Variants in NAALADL2 observed in about 807,000 individuals in gnomAD.
The protein encoded by NAALADL2 is inactive N-acetylated-alpha-linked acidic dipeptidase-like protein 2.
NAALADL2 carries 76 observed loss-of-function variants against 87.2 expected under a neutral mutation model. The observed-to-expected ratio is 0.87, with a 90% CI of 0.72 to 1.05. The LOEUF is 1.05. Among genes scored for constraint, NAALADL2 ranks in the 50% least tolerant of loss-of-function variants. The pLI is 0.00. For missense variants in NAALADL2, 1,089 were observed against 945.8 expected, an observed-to-expected ratio of 1.15 and a Z score of -1.99; for synonymous variants, 354 against 331.0, an observed-to-expected ratio of 1.07 and a Z score of -0.75.
At chr3:175,487,835 G>C (rs1239176771) in intron 9 of NAALADL2, among the ~76,000 whole-genome samples, 1 of 152,158 alleles carries the variant, frequency 6.6e-6, no homozygotes, top group African/African-American at 2.4e-5. Context: ...GTAACTTCTT[G>C]ACAAGGCATA....
chr3:174,882,613 G>GCATATACA (rs1729417771), intron 1 of NAALADL2, among the ~76,000 whole-genome samples: 1 of 135,560 alleles, frequency 7.4e-6, no homozygotes, highest in East Asian at 2.1e-4. Flanking sequence ...ACATATATGT[G>GCATATACA]CATATGCATA....
intron 3 of NAALADL2, among the ~76,000 whole-genome samples, chr3:174,835,330 C>G (rs1723199102): frequency 6.6e-6 from 1 of 151,960 alleles, no homozygotes; most frequent in African/African-American, 2.4e-5. Flanking sequence ...GGACCCTTAC[C>G]TTATACCATA....
chr3:175,038,084 A>C (rs1304178756), intron 1 of NAALADL2, among the ~76,000 whole-genome samples: 1 of 152,158 alleles, frequency 6.6e-6, no homozygotes, highest in Non-Finnish European at 1.5e-5. Context: ...ACAGTCCAAA[A>C]ACCTTGAGCC....
intron 10 of NAALADL2, among the ~76,000 whole-genome samples, chr3:175,584,005 A>G (rs2149582677): frequency 6.6e-6 from 1 of 151,472 alleles, no homozygotes; most frequent in Non-Finnish European, 1.5e-5. Context: ...TAAAGTTGTA[A>G]CTAGCACCAG....
intron 2 of NAALADL2, among the ~76,000 whole-genome samples, chr3:174,600,914 G>A (rs1453406903): frequency 1.3e-5 from 2 of 152,120 alleles, no homozygotes; most frequent in African/African-American, 4.8e-5. Context: ...AATTCGACAT[G>A]AGATTTGAGC....
intron 3 of NAALADL2, among the ~76,000 whole-genome samples, chr3:174,834,219 T>C (rs960287386): frequency 1.3e-5 from 2 of 148,784 alleles, no homozygotes; most frequent in African/African-American, 5.0e-5. Flanking sequence ...TATAATTATC[T>C]AAACAGAAGA....
intron 13 of NAALADL2, among the ~76,000 whole-genome samples, chr3:175,756,302 C>T (rs977637621): frequency 2.9e-4 from 44 of 152,052 alleles, no homozygotes; most frequent in African/African-American, 8.5e-4. Flanking sequence ...TACCTTTCAA[C>T]CCAAAAGGCT....
At chr3:175,594,380 T>G (rs770240157) in intron 10 of NAALADL2, among the ~76,000 whole-genome samples, 11 of 152,182 alleles carry the variant, frequency 7.2e-5, no homozygotes, top group African/African-American at 1.2e-4. Context: ...TACCACATTT[T>G]CTATTCAGTC....
chr3:175,649,249 A>AG (rs918600515), intron 11 of NAALADL2, among the ~76,000 whole-genome samples: 3 of 152,112 alleles, frequency 2.0e-5, no homozygotes, highest in African/African-American at 7.2e-5. Context: ...GTTTTGTGAG[A>AG]GAAAAAAAGA....
At chr3:174,897,470 A>G (rs1731694051) in intron 1 of NAALADL2, among the ~76,000 whole-genome samples, 1 of 152,148 alleles carries the variant, frequency 6.6e-6, no homozygotes, top group South Asian at 2.1e-4. Flanking sequence ...CTAGAGATAT[A>G]ATTTCACCTC....
At chr3:175,658,410 T>C (rs1330113123) in intron 11 of NAALADL2, among the ~76,000 whole-genome samples, 1 of 152,196 alleles carries the variant, frequency 6.6e-6, no homozygotes, top group Non-Finnish European at 1.5e-5. Flanking sequence ...GTCATTAAGA[T>C]TGATATATTA....
intron 1 of NAALADL2, among the ~76,000 whole-genome samples, chr3:175,000,300 C>T (rs1748059399): frequency 6.6e-6 from 1 of 152,166 alleles, no homozygotes. Context: ...CAAGTCTATG[C>T]TCAGCCTGAA....
intron 13 of NAALADL2, among the ~76,000 whole-genome samples, chr3:175,759,330 G>A (rs530273048): frequency 7.4e-4 from 111 of 150,908 alleles, no homozygotes; most frequent in African/African-American, 2.1e-3. Flanking sequence ...AGAAAGTATT[G>A]TCTTGTGGTA....
At chr3:175,678,666 T>C (rs964056965) in intron 11 of NAALADL2, among the ~76,000 whole-genome samples, 7 of 152,052 alleles carry the variant, frequency 4.6e-5, no homozygotes, top group Non-Finnish European at 1.0e-4. Flanking sequence ...TAGGTGGGAA[T>C]TGAACAATGA....
At chr3:175,489,324 A>G (rs1371985969) in intron 9 of NAALADL2, among the ~76,000 whole-genome samples, 2 of 152,212 alleles carry the variant, frequency 1.3e-5, no homozygotes, top group Non-Finnish European at 2.9e-5. Context: ...ATTTGGTTGC[A>G]TGGATTGATT....
At position 175,637,257 on chromosome 3, in the gene NAALADL2, G is replaced by A. The variant is rs115333423; in HGVS notation, c.1896+9871G>A. Among the ~76,000 whole-genome samples, 1,031 of 152,332 alleles carry A rather than the reference G, an allele frequency of 6.8e-3. 9 individuals carry two copies. The highest frequency in any genetic ancestry group is 0.024 in the African/African-American group (989 of 41,576). On this transcript the variant is annotated intron_variant, in intron 11 of 13. Transcript: ENST00000454872. Reference sequence around the variant, plus strand: ...TCAATGTTTGATATATGGCATGGCTGTCAGTGATTGGTCTACCAAATAAAA... The same window carrying A: ...TCAATGTTTGATATATGGCATGGCTATCAGTGATTGGTCTACCAAATAAAA...
At chr3:175,734,215 A>G (rs897400553) in intron 11 of NAALADL2, among the ~76,000 whole-genome samples, 1 of 152,128 alleles carries the variant, frequency 6.6e-6, no homozygotes, top group Non-Finnish European at 1.5e-5. Context: ...CCCTGCAACA[A>G]ATATTTGCTT....
At chr3:174,584,437 T>C (rs1716489978) in intron 2 of NAALADL2, among the ~76,000 whole-genome samples, 1 of 152,172 alleles carries the variant, frequency 6.6e-6, no homozygotes, top group Non-Finnish European at 1.5e-5. Context: ...TAGTTTTTAG[T>C]ACATCAGATT....
At chr3:175,245,471 C>T (rs116138825) in intron 3 of NAALADL2, among the ~76,000 whole-genome samples, 304 of 152,092 alleles carry the variant, frequency 2.0e-3, no homozygotes, top group Non-Finnish European at 3.6e-3. Context: ...TTTTTTTGTC[C>T]TTTGGATGTG....
Sources: gnomAD v4.1 joint callset for allele counts (sites outside exome capture counted in the v4.1 genomes callset) on GRCh38, gnomAD v4.1.1 for gene constraint, MANE v1.5 for transcripts, NCBI Gene and HGNC (gene_info 2026-07-23, HGNC 2026-07-21) for gene names.